UTP25: variants seen among roughly 807,000 people sequenced by gnomAD.
UTP25 encodes U3 small nucleolar RNA-associated protein 25 homolog.
In UTP25, 50 loss-of-function variants were observed where a neutral mutation model predicts 78.9. The ratio of observed to expected loss-of-function variants is 0.63; its 90% CI spans 0.50 to 0.80. UTP25 has a LOEUF of 0.80. Ranked by LOEUF, UTP25 falls within the 30% of genes least tolerant of loss-of-function variation. UTP25 has a pLI of 0.00. For synonymous variants in UTP25, 329 were observed against 336.5 expected (o/e 0.98, Z 0.24); for missense variants, 846 against 911.3 (o/e 0.93, Z 0.92).
rs541720861 is a variant in UTP25, at chr1:209,857,100, A to C, written c.*5653A>C. 1.3e-5 allele frequency: 2 copies of C among 152,212 alleles called. No individual in the cohort carries two copies. Among genetic ancestry groups the C allele is most frequent in the African/African-American group, 4.8e-5 (2 of 41,536 alleles). The allele number at this position is 152,212 out of a possible 1,614,324, so 9.4% of individuals were successfully genotyped here. A position where few individuals can be genotyped will look rare whatever the true frequency, so the allele number is the denominator to read the frequency against. ...CGTGAATTACCTATAGGTCATCCCTAAGAGGTGGCCTCCAGCTTCTGCTTG... is the reference window on the plus strand; with the variant it reads ...CGTGAATTACCTATAGGTCATCCCTCAGAGGTGGCCTCCAGCTTCTGCTTG... On this transcript the variant is annotated 3_prime_UTR_variant, in exon 12 of 12. Coordinates refer to ENST00000491415, the MANE Select transcript of UTP25 (RefSeq NM_014388.7).
intron 5 of UTP25, among the ~76,000 whole-genome samples, chr1:209,836,202 T>G (rs1416894039): frequency 6.6e-6 from 1 of 152,232 alleles, no homozygotes; most frequent in African/African-American, 2.4e-5. Flanking sequence ...TCCAAGTTAT[T>G]TCAGCTATCA....
intron 1 of UTP25, among the ~76,000 whole-genome samples, chr1:209,829,134 T>G (rs1346519290): frequency 6.6e-6 from 1 of 152,206 alleles, no homozygotes; most frequent in Non-Finnish European, 1.5e-5. Flanking sequence ...GGATACAGTG[T>G]GATATTTTGA....
Position 209,841,010 on chromosome 1 carries a change from T to C in UTP25, c.1440T>C (p.Ile480=). Residue 480 remains isoleucine (I), a synonymous_variant, in exon 8 of 12, where the codon ATT becomes ATC. Coordinates refer to ENST00000491415, the MANE Select transcript of UTP25 (RefSeq NM_014388.7). The stretch of plus-strand genomic sequence containing the variant: ...TGTCTTCTATCGAGCTTCTCATCAT[T>C]GATCAAGCTGACATTTACCTGATGC... ...DFLSSIELLI[I]DQADIYLMQN... 1 of 1,614,098 alleles carries C rather than the reference T, an allele frequency of 6.2e-7. No homozygotes were observed. Among genetic ancestry groups the C allele is most frequent in the Non-Finnish European group, 8.5e-7 (1 of 1,179,954 alleles).
At chr1:209,834,924 T>C (rs1384359657) in intron 4 of UTP25, 151 bp from the exon 5 acceptor site, 3 of 536,976 alleles carry the variant, frequency 5.6e-6, no homozygotes, top group African/African-American at 3.9e-5. Context: ...TTCAGAAGTT[T>C]TTAAGCTCTG....
In UTP25 at chr1:209,833,001, CCATCATG is replaced by C. The variant is rs535664540; in HGVS notation, c.389-176_389-170del. ...CAGCCAAATTGAGACATAAAACCCA[CCATCATG>C]CATCATGTGTTGATGATTAGGCTTA... On this transcript the variant is annotated intron_variant, in intron 3 of 11. Coordinates refer to ENST00000491415, the MANE Select transcript of UTP25 (RefSeq NM_014388.7). 1.6e-3 allele frequency among the ~76,000 whole-genome samples: 237 copies of C among 152,274 alleles called. 1 individual carries two copies. The highest frequency in any genetic ancestry group is 5.4e-3 in the African/African-American group (226 of 41,562).
intron 11 of UTP25, among the ~76,000 whole-genome samples, chr1:209,849,099 C>A (rs1413730296): frequency 6.6e-6 from 1 of 152,004 alleles, no homozygotes; most frequent in Non-Finnish European, 1.5e-5. Context: ...TCACAGGAGG[C>A]CTCTTGTTTC....
Position 209,837,017 on chromosome 1 carries a change from C to T in UTP25, c.868C>T (p.Arg290Trp), listed in dbSNP as rs758356596. 3.0e-5 allele frequency: 49 copies of T among 1,614,002 alleles called. 2 individuals are homozygous for T. The highest frequency in any genetic ancestry group is 2.6e-4 in the South Asian group (24 of 91,080). ...ACTCTTCTTAATTATGAATTCTTAC[C>T]GGGACCTGTTCTACCCGGAAAGGAC... is the stretch of plus-strand genomic sequence containing the variant. ...KELFLIMNSY[R>W]DLFYPERTAL... The change falls in exon 6 of 12, where the codon CGG becomes TGG. Residue 290 changes from arginine (R) to tryptophan (W), a missense_variant. By Grantham distance (101) the Arg-to-Trp change is moderately radical. Transcript: ENST00000491415.
rs774112827 is a variant in UTP25, at chr1:209,851,221, T to A, written c.2045T>A (p.Ile682Asn). 5.0e-6 allele frequency: 8 copies of A among 1,613,384 alleles called. No individual in the cohort carries two copies. In the Admixed American group the frequency reaches 1.2e-4, roughly 24 times the overall value. ...HFYKRYTIKGIRNLIFYELPT... is the reference protein window; with the variant it reads ...HFYKRYTIKGNRNLIFYELPT... ...TCTGACAGGTATACAATAAAAGGCA[T>A]CAGGAACCTGATTTTCTATGAACTG... is the stretch of plus-strand genomic sequence containing the variant. The change falls in exon 12 of 12, where the codon ATC (isoleucine) becomes AAC (asparagine). Residue 682 changes from isoleucine (I) to asparagine (N), a missense_variant. Coordinates refer to ENST00000491415, the MANE Select transcript of UTP25 (RefSeq NM_014388.7).
At chr1:209,847,613 G>C (rs933402763) in intron 11 of UTP25, among the ~76,000 whole-genome samples, 1 of 152,140 alleles carries the variant, frequency 6.6e-6, no homozygotes, top group Admixed American at 6.5e-5. Context: ...GACCATTATA[G>C]CTCTTTCCCC....
chr1:209,831,659 C>T (rs2078103992), intron 3 of UTP25, among the ~76,000 whole-genome samples: 1 of 152,208 alleles, frequency 6.6e-6, no homozygotes, highest in Non-Finnish European at 1.5e-5. Context: ...GGTATACATC[C>T]AAATCAAGAT....
chr1:209,840,666 A>C (rs1429230632), intron 7 of UTP25, among the ~76,000 whole-genome samples, 187 bp from the exon 8 acceptor site: 4 of 152,254 alleles, frequency 2.6e-5, no homozygotes, highest in Admixed American at 2.6e-4. Flanking sequence ...AGAAGGGACT[A>C]TAGATGCAAG....
In UTP25 at chr1:209,857,063, T is replaced by C. The variant is rs189916489; in HGVS notation, c.*5616T>C. 2.6e-5 allele frequency: 4 copies of C among 152,334 alleles called. No homozygotes were observed. Among genetic ancestry groups the C allele is most frequent in the Admixed American group, 2.6e-4 (4 of 15,300 alleles). The allele number at this position is 152,334 out of a possible 1,614,324, so 9.4% of individuals were successfully genotyped here. On this transcript the variant is annotated 3_prime_UTR_variant, in exon 12 of 12. Coordinates refer to ENST00000491415, the MANE Select transcript of UTP25 (RefSeq NM_014388.7). ...AACTTACAGGTCTTGTGATCTAATC[T>C]GCCACTTGATCCGTGAATTACCTAT...
chr1:209,844,291 C>G (rs1308501290), intron 11 of UTP25: 1 of 152,168 alleles, frequency 6.6e-6, no homozygotes, highest in Non-Finnish European at 1.5e-5. Flanking sequence ...AGATTTCCTA[C>G]CAGGTGACTT....
At position 209,835,210 on chromosome 1, in the gene UTP25, A is replaced by G. The variant is rs199869923; in HGVS notation, c.651+47A>G. The G allele has an allele frequency of 6.0e-5, 93 of 1,549,918 alleles. No individual in the cohort carries two copies. In the African/African-American group the frequency reaches 1.2e-3, roughly 19 times the overall value. On this transcript the variant is annotated intron_variant, in intron 5 of 11. Transcript: ENST00000491415. ...CGGTCACAAATAGAGAAAGCTCTAA[A>G]TAAAACAGTGGTCTTGGGTTTTAGT... is the stretch of plus-strand genomic sequence containing the variant.
At chr1:209,844,727 C>T (rs1016230944) in intron 11 of UTP25, 1 of 151,446 alleles carries the variant, frequency 6.6e-6, no homozygotes, top group Non-Finnish European at 1.5e-5. Flanking sequence ...CCCTTCTGGC[C>T]CTAGAGCTCA....
In UTP25 at chr1:209,833,294, C is replaced by G. The variant is rs1310799274; in HGVS notation, c.498C>G (p.Phe166Leu). ...EFTDAKHESL[F>L]SLETNFLEEE... ...CAGATGCAAAACACGAGTCACTGTT[C>G]AGCCTGGAAACCAATTTTCTGGAAG... Residue 166 changes from phenylalanine (F) to leucine (L), a missense_variant, in exon 4 of 12, where the codon TTC becomes TTG. By Grantham distance (22) the Phe-to-Leu change is conservative. Transcript: ENST00000491415. 1 of 1,600,556 alleles carries G rather than the reference C, an allele frequency of 6.2e-7. No individual in the cohort carries two copies. The highest frequency in any genetic ancestry group is 1.3e-5 in the African/African-American group (1 of 74,112).
In UTP25 at chr1:209,835,068, G is replaced by A; in HGVS notation, c.563-7G>A. Reference sequence around the variant, plus strand: ...TAGTGTGCTGACATTTTTTATTTCTGAATTAGATCCATTTCTTCAACATGT... The same window carrying A: ...TAGTGTGCTGACATTTTTTATTTCTAAATTAGATCCATTTCTTCAACATGT... On this transcript the variant is annotated splice_polypyrimidine_tract_variant and splice_region_variant and intron_variant, in intron 4 of 11. Coordinates refer to ENST00000491415, the MANE Select transcript of UTP25 (RefSeq NM_014388.7). The A allele has an allele frequency of 6.2e-7, 1 of 1,611,328 alleles. No homozygotes were observed. The highest frequency in any genetic ancestry group is 8.5e-7 in the Non-Finnish European group (1 of 1,178,182).
chr1:209,840,260 C>T (rs1196105110), intron 7 of UTP25, among the ~76,000 whole-genome samples: 1 of 152,098 alleles, frequency 6.6e-6, no homozygotes, highest in Non-Finnish European at 1.5e-5. Context: ...GTCAGTTAAC[C>T]CAAAGCTTTA....
At position 209,840,841 on chromosome 1, in the gene UTP25, T is replaced by C; in HGVS notation, c.1283-12T>C. On this transcript the variant is annotated splice_polypyrimidine_tract_variant and intron_variant, in intron 7 of 11. Transcript: ENST00000491415. ...ACTAATGAATTGGTGTGTACTTGGCTGTTTTGTGTAGGAGTGGCAATACTT... is the reference window on the plus strand; with the variant it reads ...ACTAATGAATTGGTGTGTACTTGGCCGTTTTGTGTAGGAGTGGCAATACTT... The C allele has an allele frequency of 1.2e-6, 2 of 1,611,950 alleles. No homozygotes were observed. Among genetic ancestry groups the C allele is most frequent in the Non-Finnish European group, 1.7e-6 (2 of 1,179,710 alleles).
Sources: allele counts gnomAD v4.1 joint callset (sites outside exome capture counted in the v4.1 genomes callset), GRCh38; gene constraint gnomAD v4.1.1; transcripts MANE v1.5; gene names NCBI Gene and HGNC (gene_info 2026-07-23, HGNC 2026-07-21).